ANKS1B: variants seen among roughly 807,000 people sequenced by gnomAD.
ANKS1B encodes ankyrin repeat and sterile alpha motif domain containing 1B.
A neutral mutation model predicts 148.3 loss-of-function variants in ANKS1B; 36 were observed. The ratio of observed to expected loss-of-function variants is 0.24; its 90% CI spans 0.19 to 0.32. The LOEUF (loss-of-function observed/expected upper bound fraction) is 0.32, where lower values mean the gene tolerates loss of function less well. Among genes scored for constraint, ANKS1B ranks in the 10% least tolerant of loss-of-function variants. The probability of loss-of-function intolerance (pLI) is 1.00; values close to 1 mark genes in which losing one functional copy is unlikely to be tolerated. For synonymous variants in ANKS1B, 542 were observed against 560.8 expected (o/e 0.97, Z 0.47); for missense variants, 1,157 against 1,542.6 (o/e 0.75, Z 4.19).
chr12:99,786,448 C>A (rs1376925468), intron 4 of ANKS1B, among the ~76,000 whole-genome samples: 5 of 152,024 alleles, frequency 3.3e-5, no homozygotes, highest in Non-Finnish European at 7.4e-5. Context: ...AAATGAGGGA[C>A]CCCTACAAAA....
downstream of ANKS1B, among the ~76,000 whole-genome samples, chr12:98,740,295 G>C (rs140791959): frequency 2.0e-4 from 31 of 152,124 alleles, no homozygotes; most frequent in Non-Finnish European, 3.8e-4. Context: ...TGGAGGTTGA[G>C]AGCCAGCGCC....
chr12:99,976,190 C>T (rs1421260907), intron 1 of ANKS1B, among the ~76,000 whole-genome samples: 1 of 152,108 alleles, frequency 6.6e-6, no homozygotes, highest in Non-Finnish European at 1.5e-5. Context: ...ACACAGTGGA[C>T]TACTAGAGGG....
intron 1 of ANKS1B, among the ~76,000 whole-genome samples, chr12:99,961,126 G>C (rs1399878679): frequency 1.3e-5 from 2 of 152,174 alleles, no homozygotes; most frequent in Non-Finnish European, 2.9e-5. Context: ...CTACTCAGGA[G>C]GCTGAGGCAG....
intron 1 of ANKS1B, among the ~76,000 whole-genome samples, chr12:99,901,468 C>T (rs545251266): frequency 6.6e-6 from 1 of 152,282 alleles, no homozygotes; most frequent in Admixed American, 6.5e-5. Flanking sequence ...AAGAGGCAGC[C>T]TCTGTAGCAA....
intron 9 of ANKS1B, among the ~76,000 whole-genome samples, chr12:99,517,563 CAAAA>C (rs67889061): frequency 8.0e-6 from 1 of 124,284 alleles, no homozygotes; most frequent in African/African-American, 2.8e-5. Context: ...AGTAAAAATA[CAAAA>C]AAAAAAAAAA....
chr12:98,886,518 G>T (rs1183095763), intron 17 of ANKS1B, among the ~76,000 whole-genome samples: 1 of 152,186 alleles, frequency 6.6e-6, no homozygotes, highest in African/African-American at 2.4e-5. Flanking sequence ...CCAAAATAAG[G>T]ATAAGTGATG....
chr12:99,553,877 C>T lies in ANKS1B; in HGVS notation c.1273-49236G>A, dbSNP rs138037539. On this transcript the variant is annotated intron_variant, in intron 9 of 26. Transcript: ENST00000683438. ...AGACTGTCCAATTAGAATGTCTTTA[C>T]GTTAGCTTCAGTGACTGGTTCAAGG... Among the ~76,000 whole-genome samples the T allele has an allele frequency of 8.5e-5, 13 of 152,296 alleles. No individual in the cohort carries two copies. The East Asian group carries it at 1.9e-3, about 23-fold the overall frequency.
At chr12:98,749,575 G>A (rs1387882953) in intron 26 of ANKS1B, among the ~76,000 whole-genome samples, 1 of 152,188 alleles carries the variant, frequency 6.6e-6, no homozygotes, top group Admixed American at 6.5e-5. Flanking sequence ...GCCGAGACCT[G>A]AATGACAAGA....
intron 17 of ANKS1B, among the ~76,000 whole-genome samples, chr12:98,952,908 G>C (rs890745002): frequency 6.6e-6 from 1 of 152,038 alleles, no homozygotes; most frequent in African/African-American, 2.4e-5. Context: ...GCCCATGCTG[G>C]AGTGAAGTGG....
chr12:99,681,199 T>C lies in ANKS1B; in HGVS notation c.1129-25989A>G, dbSNP rs538231578. Among the ~76,000 whole-genome samples, 4 of 152,298 alleles carry C rather than the reference T, an allele frequency of 2.6e-5. No homozygotes were observed. In the East Asian group the frequency reaches 7.7e-4, roughly 29 times the overall value. Reference sequence around the variant, plus strand: ...CCTATACTATGCAGTTGATCTCTCCTGAAAGTGCCACCTCCTGGCTAGAGG... The same window carrying C: ...CCTATACTATGCAGTTGATCTCTCCCGAAAGTGCCACCTCCTGGCTAGAGG... On this transcript the variant is annotated intron_variant, in intron 8 of 26. Coordinates refer to ENST00000683438, the MANE Select transcript of ANKS1B (RefSeq NM_001352186.2).
chr12:99,737,669 C>A (rs2059737347), intron 8 of ANKS1B, among the ~76,000 whole-genome samples: 1 of 152,038 alleles, frequency 6.6e-6, no homozygotes, highest in African/African-American at 2.4e-5. Context: ...CCTCCCCATA[C>A]CATGTCTTTT....
Position 99,190,539 on chromosome 12 carries a change from C to T in ANKS1B, c.2420-36144G>A, listed in dbSNP as rs2153881421. ...AACAGAGTCCTCAGAAATCATACCACACATCTACAACCATCTGATCTCTGA... is the reference window on the plus strand; with the variant it reads ...AACAGAGTCCTCAGAAATCATACCATACATCTACAACCATCTGATCTCTGA... On this transcript the variant is annotated intron_variant, in intron 14 of 26. Transcript: ENST00000683438. 1.3e-5 allele frequency among the ~76,000 whole-genome samples: 2 copies of T among 152,246 alleles called. 1 individual carries two copies. Among genetic ancestry groups the T allele is most frequent in the South Asian group, 4.1e-4 (2 of 4,824 alleles).
Position 98,927,427 on chromosome 12 carries a change from T to C in ANKS1B, c.2779-95291A>G, listed in dbSNP as rs1345577336. Among the ~76,000 whole-genome samples the C allele has an allele frequency of 2.6e-5, 4 of 152,198 alleles. No homozygotes were observed. In the East Asian group the frequency reaches 5.8e-4, roughly 22 times the overall value. The stretch of plus-strand genomic sequence containing the variant: ...AAAAAATAAAGAGTACCAGTACAAG[T>C]AACTGCATTTGTAAATATAAAAGAC... On this transcript the variant is annotated intron_variant, in intron 17 of 26. Coordinates refer to ENST00000683438, the MANE Select transcript of ANKS1B (RefSeq NM_001352186.2).
chr12:99,461,672 A>G (rs186783459), intron 10 of ANKS1B, among the ~76,000 whole-genome samples: 1 of 152,208 alleles, frequency 6.6e-6, no homozygotes, highest in East Asian at 1.9e-4. Flanking sequence ...TGTATCTCCC[A>G]ATCTTGCTTT....
At chr12:98,938,920 TTAATGA>T (rs1483193878) in intron 17 of ANKS1B, among the ~76,000 whole-genome samples, 1 of 152,204 alleles carries the variant, frequency 6.6e-6, no homozygotes, top group Non-Finnish European at 1.5e-5. Flanking sequence ...GCAGTGGAGA[TTAATGA>T]TAATAAGTCA....
At chr12:99,981,107 A>T (rs1489747250) in intron 1 of ANKS1B, among the ~76,000 whole-genome samples, 17 of 152,064 alleles carry the variant, frequency 1.1e-4, no homozygotes, top group Non-Finnish European at 4.4e-5. Context: ...TAAAGAATAC[A>T]GTCAAGTGCT....
At chr12:98,867,591 T>G (rs2099631165) in intron 17 of ANKS1B, among the ~76,000 whole-genome samples, 1 of 152,350 alleles carries the variant, frequency 6.6e-6, no homozygotes, top group Non-Finnish European at 1.5e-5. Context: ...TCGGGCGCAG[T>G]GGCTCACGCC....
chr12:98,759,345 T>C (rs1592899872), intron 25 of ANKS1B, among the ~76,000 whole-genome samples: 1 of 152,130 alleles, frequency 6.6e-6, no homozygotes, highest in East Asian at 1.9e-4. Context: ...CTATAGACAA[T>C]GTCCAGGAAG....
intron 14 of ANKS1B, among the ~76,000 whole-genome samples, chr12:99,174,880 CTT>C (rs2078198774): frequency 5.3e-5 from 8 of 152,118 alleles, no homozygotes; most frequent in Non-Finnish European, 1.2e-4. Context: ...TTGAATTCCT[CTT>C]CTTGCTTTTG....
Sources: allele counts gnomAD v4.1 joint callset (sites outside exome capture counted in the v4.1 genomes callset), GRCh38; gene constraint gnomAD v4.1.1; transcripts MANE v1.5; gene names NCBI Gene and HGNC (gene_info 2026-07-23, HGNC 2026-07-21).